The following NPNT variants were observed in gnomAD, a reference collection of about 807,000 sequenced individuals.
NPNT encodes the protein preosteoblast EGF-like repeat protein with MAM domain.
NPNT carries 45 observed loss-of-function variants against 68.6 expected under a neutral mutation model. The observed-to-expected ratio is 0.66, with a 90% confidence interval of 0.52 to 0.84. The LOEUF (loss-of-function observed/expected upper bound fraction) is 0.84, where lower values mean the gene tolerates loss of function less well. NPNT is among the 40% of genes least tolerant of loss of function. The pLI, the probability that NPNT is intolerant of heterozygous loss-of-function variation, is 0.00. For synonymous variants in NPNT, 233 were observed against 253.3 expected (o/e 0.92, Z 0.76); for missense variants, 672 against 714.8 (o/e 0.94, Z 0.68).
intron 3 of NPNT, among the ~76,000 whole-genome samples, chr4:105,928,544 C>T (rs1361588162): frequency 1.4e-5 from 2 of 146,126 alleles, no homozygotes; most frequent in African/African-American, 2.6e-5. Context: ...ACCCAGGAGG[C>T]GGATGTTGCG....
chr4:105,916,500 G>A (rs544416373), intron 2 of NPNT, among the ~76,000 whole-genome samples: 2 of 152,094 alleles, frequency 1.3e-5, no homozygotes, highest in South Asian at 4.2e-4. Context: ...GAGATTACAG[G>A]CCTGGGCCAC....
Position 105,957,450 on chromosome 4 carries a change from T to G in NPNT, c.1160-1021T>G, listed in dbSNP as rs574295879. On this transcript the variant is annotated intron_variant, in intron 8 of 11. Transcript: ENST00000379987. ...AAAGAAATCAATTATTTTTTTAAAG[T>G]AGATTCTTATGCTTTGTCCCACTTG... 1.4e-3 allele frequency among the ~76,000 whole-genome samples: 209 copies of G among 152,246 alleles called. 1 individual carries two copies. Among genetic ancestry groups the G allele is most frequent in the African/African-American group, 4.4e-3 (183 of 41,562 alleles).
Position 105,898,380 on chromosome 4 carries a change from C to CTCTCTCTCTT in NPNT, c.172+379_172+380insTCTCTCTCTT, listed in dbSNP as rs58673636. Among the ~76,000 whole-genome samples, 273 of 112,506 alleles carry CTCTCTCTCTT rather than the reference C, an allele frequency of 2.4e-3. 15 individuals are homozygous for CTCTCTCTCTT. Among genetic ancestry groups the CTCTCTCTCTT allele is most frequent in the African/African-American group, 0.011 (256 of 23,032 alleles). 73.8% of individuals were successfully genotyped at this position (112,506 alleles called of 152,430 possible). A position where few individuals can be genotyped will look rare whatever the true frequency, so the allele number is the denominator to read the frequency against. On this transcript the variant is annotated intron_variant, in intron 2 of 11. Coordinates refer to ENST00000379987, the MANE Select transcript of NPNT (RefSeq NM_001033047.3). Reference sequence around the variant, plus strand: ...TCTCTCTCTCTCTCTCTCTCTCTCTCGCTGACTCGCTTGCTCCAGGCTGGG... The same window carrying CTCTCTCTCTT: ...TCTCTCTCTCTCTCTCTCTCTCTCTCTCTCTCTCTTGCTGACTCGCTTGCTCCAGGCTGGG...
intron 10 of NPNT, among the ~76,000 whole-genome samples, chr4:105,959,884 A>G (rs1008134660): frequency 1.4e-5 from 2 of 144,194 alleles, no homozygotes; most frequent in African/African-American, 5.2e-5. Flanking sequence ...ATCTCGGCTC[A>G]CTGCAACCTC....
intron 2 of NPNT, among the ~76,000 whole-genome samples, chr4:105,901,933 T>C (rs972848966): frequency 6.6e-6 from 1 of 152,218 alleles, no homozygotes; most frequent in Admixed American, 6.5e-5. Context: ...ATATTGGAAG[T>C]GATGAAAAAA....
At chr4:105,933,895 A>G (rs893463632) in intron 3 of NPNT, among the ~76,000 whole-genome samples, 9 of 152,220 alleles carry the variant, frequency 5.9e-5, no homozygotes, top group South Asian at 2.1e-4. Context: ...ACTTGTATAC[A>G]TAATAACTGA....
intron 2 of NPNT, among the ~76,000 whole-genome samples, chr4:105,914,852 G>A (rs1727674959): frequency 6.6e-6 from 1 of 152,078 alleles, no homozygotes; most frequent in African/African-American, 2.4e-5. Flanking sequence ...GCATATGTGG[G>A]GTATATGTTT....
chr4:105,944,421 AT>A (rs1408675919), intron 8 of NPNT, among the ~76,000 whole-genome samples: 5 of 152,262 alleles, frequency 3.3e-5, no homozygotes, highest in Non-Finnish European at 5.9e-5. Flanking sequence ...TACGCTAAAT[AT>A]TTTTTTCATT....
At chr4:105,956,041 GTTC>G (rs1182326336) in intron 8 of NPNT, among the ~76,000 whole-genome samples, 15 of 151,814 alleles carry the variant, frequency 9.9e-5, no homozygotes, top group Admixed American at 9.8e-4. Context: ...AAATTAAATG[GTTC>G]TTAGAAACCA....
intron 2 of NPNT, among the ~76,000 whole-genome samples, chr4:105,916,402 T>C (rs998636855): frequency 2.0e-5 from 3 of 151,680 alleles, no homozygotes; most frequent in East Asian, 1.9e-4. Context: ...TTTTTTTTTT[T>C]CAGTAGAGAC....
chr4:105,952,535 C>G (rs1233966730), intron 8 of NPNT, among the ~76,000 whole-genome samples: 1 of 152,164 alleles, frequency 6.6e-6, no homozygotes. Context: ...GAGCGAGACT[C>G]TATCTCCAAA....
At chr4:105,918,084 T>C (rs1212290601) in intron 2 of NPNT, among the ~76,000 whole-genome samples, 1 of 152,224 alleles carries the variant, frequency 6.6e-6, no homozygotes, top group Non-Finnish European at 1.5e-5. Flanking sequence ...AATCTCTTAT[T>C]GATGGACATT....
At chr4:105,897,693 T>C (rs918039318) in intron 1 of NPNT, among the ~76,000 whole-genome samples, 3 of 152,134 alleles carry the variant, frequency 2.0e-5, no homozygotes, top group Non-Finnish European at 2.9e-5. Context: ...TGTTGGGGGA[T>C]GGGGTATTTA....
At chr4:105,927,518 G>T in intron 3 of NPNT, 90 bp downstream of exon 3, 3 of 675,996 alleles carry the variant, frequency 4.4e-6, no homozygotes, top group Non-Finnish European at 7.2e-6. Flanking sequence ...TACTTTCCAT[G>T]GCTATTTTTC....
intron 2 of NPNT, among the ~76,000 whole-genome samples, chr4:105,900,046 G>T (rs1270640045): frequency 6.6e-6 from 1 of 152,206 alleles, no homozygotes; most frequent in African/African-American, 2.4e-5. Context: ...AAAATGCCTT[G>T]CTATTGTATA....
chr4:105,912,207 G>A, intron 2 of NPNT: 5 of 1,534,380 alleles, frequency 3.3e-6, no homozygotes, highest in Non-Finnish European at 4.4e-6. Context: ...TCTTAAGGCA[G>A]AGAATAGCCA....
intron 1 of NPNT, among the ~76,000 whole-genome samples, chr4:105,896,203 G>C (rs889897061): frequency 6.6e-6 from 1 of 152,084 alleles, no homozygotes; most frequent in Non-Finnish European, 1.5e-5. Context: ...GCGAGTCAGC[G>C]ACTGGGCTAC....
chr4:105,970,422 C>T lies in NPNT; in HGVS notation c.*1432C>T. ...TGATTAAAGGGTTGGAAAAAAAGATCTATGATGGAAAATTAAAGGAACTGG... is the reference window on the plus strand; with the variant it reads ...TGATTAAAGGGTTGGAAAAAAAGATTTATGATGGAAAATTAAAGGAACTGG... On this transcript the variant is annotated 3_prime_UTR_variant, in exon 12 of 12. Transcript: ENST00000379987. 1 of 701,252 alleles carries T rather than the reference C, an allele frequency of 1.4e-6. No individual in the cohort carries two copies. The highest frequency in any genetic ancestry group is 2.3e-4 in the Middle Eastern group (1 of 4,354). The allele number at this position is 701,252 out of a possible 1,614,324, so 43.4% of individuals were successfully genotyped here.
intron 8 of NPNT, among the ~76,000 whole-genome samples, chr4:105,943,276 G>A (rs1261048658): frequency 6.6e-6 from 1 of 152,134 alleles, no homozygotes; most frequent in Non-Finnish European, 1.5e-5. Context: ...ATTCAGGGAG[G>A]GCTTCCCGAG....
Sources: gnomAD v4.1 joint callset for allele counts (sites outside exome capture counted in the v4.1 genomes callset) on GRCh38, gnomAD v4.1.1 for gene constraint, MANE v1.5 for transcripts, NCBI Gene and HGNC (gene_info 2026-07-23, HGNC 2026-07-21) for gene names.